The following SPRED2 variants were observed in gnomAD, a reference collection of about 807,000 sequenced individuals.
SPRED2 encodes the protein sprouty related EVH1 domain containing 2.
In SPRED2, 47 loss-of-function variants were observed where a neutral mutation model predicts 43.0. The ratio of observed to expected loss-of-function variants is 1.09; its 90% CI spans 0.87 to 1.40. The LOEUF is 1.40. Among genes scored for constraint, SPRED2 ranks in the 40% most tolerant of loss-of-function variants. The pLI, the probability that SPRED2 is intolerant of heterozygous loss-of-function variation, is 0.00. For synonymous variants in SPRED2, 225 were observed against 225.7 expected, an observed-to-expected ratio of 1.00 and a Z score of 0.03; for missense variants, 561 against 586.4, an observed-to-expected ratio of 0.96 and a Z score of 0.45.
At chr2:65,407,692 T>C (rs1448815974) in intron 1 of SPRED2, among the ~76,000 whole-genome samples, 2 of 152,170 alleles carry the variant, frequency 1.3e-5, no homozygotes. Context: ...ACTTGTCCTT[T>C]CACCCGTGGA....
At chr2:65,347,513 G>C (rs558198019) in intron 1 of SPRED2, among the ~76,000 whole-genome samples, 46 of 152,160 alleles carry the variant, frequency 3.0e-4, no homozygotes, top group Middle Eastern at 3.4e-3. Context: ...GTTTCACTGA[G>C]AAAATAGACA....
chr2:65,350,449 C>G (rs1458303233), intron 1 of SPRED2, among the ~76,000 whole-genome samples: 1 of 152,142 alleles, frequency 6.6e-6, no homozygotes, highest in Non-Finnish European at 1.5e-5. Context: ...TGAACTTGAG[C>G]TGAACAGCCC....
At chr2:65,362,736 T>C in intron 1 of SPRED2, among the ~76,000 whole-genome samples, 1 of 151,962 alleles carries the variant, frequency 6.6e-6, no homozygotes, top group Admixed American at 6.5e-5. Context: ...TGCATGTCTG[T>C]AATCCTAGCT....
At chr2:65,367,888 T>C (rs1255778045) in intron 1 of SPRED2, among the ~76,000 whole-genome samples, 1 of 152,154 alleles carries the variant, frequency 6.6e-6, no homozygotes, top group Non-Finnish European at 1.5e-5. Context: ...AGGGTTTGCT[T>C]GACTCACTTA....
intron 1 of SPRED2, among the ~76,000 whole-genome samples, chr2:65,416,512 C>T (rs1159184634): frequency 6.6e-6 from 1 of 152,094 alleles, no homozygotes; most frequent in South Asian, 2.1e-4. Context: ...AGTTTAGCCT[C>T]ACAAGGGATC....
At chr2:65,383,667 A>C (rs1242861833) in intron 1 of SPRED2, among the ~76,000 whole-genome samples, 1 of 152,134 alleles carries the variant, frequency 6.6e-6, no homozygotes, top group Non-Finnish European at 1.5e-5. Flanking sequence ...AAATCTCCCT[A>C]AGGAGAAGTC....
At chr2:65,387,345 C>T (rs750720323) in intron 1 of SPRED2, among the ~76,000 whole-genome samples, 2 of 152,214 alleles carry the variant, frequency 1.3e-5, no homozygotes, top group Non-Finnish European at 2.9e-5. Flanking sequence ...CACAAGGAAT[C>T]ATATTCACAG....
At chr2:65,327,631 AT>A (rs759749757) in intron 4 of SPRED2, among the ~76,000 whole-genome samples, 1 of 146,582 alleles carries the variant, frequency 6.8e-6, no homozygotes, top group Non-Finnish European at 1.5e-5. Flanking sequence ...AGCAGTAGTT[AT>A]GGGATGCACT....
intron 3 of SPRED2, among the ~76,000 whole-genome samples, chr2:65,333,287 T>C (rs1258638377): frequency 2.0e-5 from 3 of 146,578 alleles, no homozygotes; most frequent in Non-Finnish European, 4.5e-5. Context: ...AAAAAGAAAA[T>C]ATTTTGCTAT....
chr2:65,375,764 C>T (rs186382702), intron 1 of SPRED2, among the ~76,000 whole-genome samples: 150 of 152,296 alleles, frequency 9.8e-4, no homozygotes, highest in Middle Eastern at 3.4e-3. Flanking sequence ...TTCATTCTCA[C>T]GGTTCTTTGT....
chr2:65,370,893 T>C (rs1675109216), intron 1 of SPRED2, among the ~76,000 whole-genome samples: 1 of 152,152 alleles, frequency 6.6e-6, no homozygotes, highest in Non-Finnish European at 1.5e-5. Flanking sequence ...CGAAGTCACA[T>C]TTGTGCATTA....
intron 1 of SPRED2, among the ~76,000 whole-genome samples, chr2:65,357,455 T>C (rs1184448608): frequency 6.6e-6 from 1 of 152,186 alleles, no homozygotes; most frequent in Non-Finnish European, 1.5e-5. Flanking sequence ...AAATCCAGAC[T>C]GCAGAAGGGA....
At chr2:65,401,291 A>C (rs550760490) in intron 1 of SPRED2, among the ~76,000 whole-genome samples, 1 of 151,910 alleles carries the variant, frequency 6.6e-6, no homozygotes, top group South Asian at 2.1e-4. Context: ...TTTCCATTTT[A>C]CAGTTTTGGG....
At chr2:65,427,423 C>T (rs1313295553) in intron 1 of SPRED2, among the ~76,000 whole-genome samples, 2 of 152,122 alleles carry the variant, frequency 1.3e-5, no homozygotes, top group African/African-American at 2.4e-5. Context: ...GGGTTCTACT[C>T]ATGTATAGTA....
intron 1 of SPRED2, among the ~76,000 whole-genome samples, chr2:65,411,888 G>C (rs62141070): frequency 0.12 from 17,925 of 152,082 alleles, 1,580 homozygotes; most frequent in Non-Finnish European, 0.17. Flanking sequence ...CAGCACTTTG[G>C]GGGCCGAGGC....
chr2:65,391,352 C>T (rs1358605681), intron 1 of SPRED2, among the ~76,000 whole-genome samples: 1 of 152,098 alleles, frequency 6.6e-6, no homozygotes, highest in Non-Finnish European at 1.5e-5. Context: ...AGAGTCATGC[C>T]AGTAACACCA....
intron 1 of SPRED2, among the ~76,000 whole-genome samples, chr2:65,386,979 G>A (rs1407686881): frequency 1.6e-5 from 2 of 125,622 alleles, no homozygotes; most frequent in African/African-American, 5.1e-5. Flanking sequence ...ATGGCTAAGA[G>A]CTTTTTTTTT....
intron 2 of SPRED2, 83 bp from the exon 3 acceptor site, chr2:65,334,856 C>A: frequency 6.9e-7 from 1 of 1,450,156 alleles, no homozygotes; most frequent in South Asian, 1.2e-5. Flanking sequence ...TAGGAACCAT[C>A]ACTGGTGGCA....
chr2:65,381,376 C>T (rs942080824), intron 1 of SPRED2, among the ~76,000 whole-genome samples: 8 of 152,222 alleles, frequency 5.3e-5, no homozygotes, highest in Non-Finnish European at 1.0e-4. Context: ...CACTCGGCAG[C>T]TCTAAAGCAG....
Sources: gnomAD v4.1 joint callset for allele counts (sites outside exome capture counted in the v4.1 genomes callset) on GRCh38, gnomAD v4.1.1 for gene constraint, MANE v1.5 for transcripts, NCBI Gene and HGNC (gene_info 2026-07-23, HGNC 2026-07-21) for gene names.